Variants in FOXN3 observed in about 807,000 individuals in gnomAD.
FOXN3 encodes the protein forkhead box N3.
In FOXN3, 7 loss-of-function variants were observed where a neutral mutation model predicts 38.4. The observed-to-expected ratio is 0.18, with a 90% CI of 0.10 to 0.34. The LOEUF is 0.34. FOXN3 is among the 10% of genes least tolerant of loss of function. FOXN3 has a pLI of 1.00. For missense variants in FOXN3, 456 were observed against 613.4 expected (o/e 0.74, Z 2.71); for synonymous variants, 230 against 242.2 (o/e 0.95, Z 0.47).
rs1397857803 is a variant in FOXN3 at position 89,160,851 on chromosome 14, C to G, written c.*1563G>C. On this transcript the variant is annotated 3_prime_UTR_variant, in exon 6 of 6. Transcript: ENST00000557258. The stretch of plus-strand genomic sequence containing the variant: ...CCTGAAGAAGGTTAAACCTTAAACA[C>G]CTGCTTCAAAAAACCAAAACAAAAT... 6.6e-6 allele frequency: 1 copy of G among 151,506 alleles called. No individual in the cohort carries two copies. Among genetic ancestry groups the G allele is most frequent in the Non-Finnish European group, 1.5e-5 (1 of 67,908 alleles). 9.4% of individuals were successfully genotyped at this position (151,506 alleles called of 1,614,324 possible). A position where few individuals can be genotyped will look rare whatever the true frequency, so the allele number is the denominator to read the frequency against.
intron 1 of FOXN3, among the ~76,000 whole-genome samples, chr14:89,493,664 G>A (rs748833852): frequency 2.0e-5 from 3 of 151,942 alleles, no homozygotes; most frequent in South Asian, 2.1e-4. Flanking sequence ...CCCCTTAACC[G>A]CACACCTAAT....
At chr14:89,366,124 A>C (rs2140050434) in intron 2 of FOXN3, among the ~76,000 whole-genome samples, 1 of 152,218 alleles carries the variant, frequency 6.6e-6, no homozygotes, top group Non-Finnish European at 1.5e-5. Flanking sequence ...GTGGTGGCGG[A>C]TGCCTGTAGT....
chr14:89,424,286 G>T (rs766757858), intron 1 of FOXN3, among the ~76,000 whole-genome samples: 10 of 152,140 alleles, frequency 6.6e-5, no homozygotes, highest in Admixed American at 3.3e-4. Context: ...AATTTGCAAA[G>T]ATTTCATAAA....
chr14:89,563,412 G>A lies in FOXN3; in HGVS notation c.-15+55616C>T, dbSNP rs556400718. Among the ~76,000 whole-genome samples, 4 of 152,344 alleles carry A rather than the reference G, an allele frequency of 2.6e-5. No homozygotes were observed. In the South Asian group the frequency reaches 8.3e-4, roughly 32 times the overall value. ...CCCACAGCCATACAGAATGGCAATG[G>A]CAGATCCATGATGGAAGACAGGTCT... is the stretch of plus-strand genomic sequence containing the variant. On this transcript the variant is annotated intron_variant, in intron 1 of 6. Coordinates refer to the FOXN3 transcript ENST00000345097.
At chr14:89,530,019 C>T (rs1013156411) in intron 1 of FOXN3, among the ~76,000 whole-genome samples, 3 of 151,698 alleles carry the variant, frequency 2.0e-5, no homozygotes, top group African/African-American at 4.8e-5. Flanking sequence ...TGGCTCACTG[C>T]AACCTCTGGC....
At chr14:89,347,698 A>T (rs1888803572) in intron 3 of FOXN3, among the ~76,000 whole-genome samples, 1 of 152,198 alleles carries the variant, frequency 6.6e-6, no homozygotes, top group African/African-American at 2.4e-5. Flanking sequence ...TCACGCCTGT[A>T]ATCCCAGCAC....
chr14:89,455,948 C>T (rs1015003822), intron 1 of FOXN3, among the ~76,000 whole-genome samples: 1 of 152,154 alleles, frequency 6.6e-6, no homozygotes, highest in African/African-American at 2.4e-5. Context: ...GTAATCCCAG[C>T]ACTTTGGGAG....
At chr14:89,466,076 A>AT (rs1360664610) in intron 1 of FOXN3, among the ~76,000 whole-genome samples, 9 of 152,184 alleles carry the variant, frequency 5.9e-5, no homozygotes, top group African/African-American at 2.2e-4. Flanking sequence ...GTGGGTAGGG[A>AT]GGAGTCAGCC....
rs148153525 is a variant in FOXN3, at chr14:89,514,575, G to A, written c.-14-102085C>T. ...CAGACTTTACTGACGTAGAAACTGAGGTCCAAAGAAGTTGGTCAAGGTCAT... is the reference window on the plus strand; with the variant it reads ...CAGACTTTACTGACGTAGAAACTGAAGTCCAAAGAAGTTGGTCAAGGTCAT... On this transcript the variant is annotated intron_variant, in intron 1 of 6. Coordinates refer to the FOXN3 transcript ENST00000345097. Among the ~76,000 whole-genome samples, 534 of 152,286 alleles carry A rather than the reference G, an allele frequency of 3.5e-3. 3 individuals carry two copies. Among genetic ancestry groups the A allele is most frequent in the African/African-American group, 0.012 (514 of 41,548 alleles).
At chr14:89,172,700 C>A (rs1206725647) in intron 5 of FOXN3, among the ~76,000 whole-genome samples, 1 of 152,078 alleles carries the variant, frequency 6.6e-6, no homozygotes, top group African/African-American at 2.4e-5. Context: ...AATAAACCCA[C>A]AAATAGAAAG....
At chr14:89,191,326 G>C (rs748507739) in intron 4 of FOXN3, among the ~76,000 whole-genome samples, 1 of 152,198 alleles carries the variant, frequency 6.6e-6, no homozygotes, top group Non-Finnish European at 1.5e-5. Flanking sequence ...CTGCCCCAGC[G>C]CAGCGTCCCA....
intron 4 of FOXN3, among the ~76,000 whole-genome samples, chr14:89,256,622 C>CT (rs1382428454): frequency 2.6e-5 from 4 of 152,214 alleles, no homozygotes; most frequent in African/African-American, 9.7e-5. Flanking sequence ...AAGGTGTATT[C>CT]TCAAGCTCTG....
At chr14:89,276,074 C>T (rs11624456) in intron 4 of FOXN3, among the ~76,000 whole-genome samples, 36,961 of 152,134 alleles carry the variant, frequency 0.24, 4,704 homozygotes, top group East Asian at 0.3. Flanking sequence ...ATCAAAAGTT[C>T]GAGACCAGCC....
intron 5 of FOXN3, among the ~76,000 whole-genome samples, chr14:89,167,077 C>G (rs1379320601): frequency 6.6e-6 from 1 of 152,196 alleles, no homozygotes; most frequent in Non-Finnish European, 1.5e-5. Context: ...TAAATCAGAG[C>G]CACCTGATTT....
intron 1 of FOXN3, among the ~76,000 whole-genome samples, chr14:89,573,162 G>T (rs1405541604): frequency 1.3e-5 from 2 of 152,190 alleles, no homozygotes; most frequent in Non-Finnish European, 2.9e-5. Context: ...GAAATGAGAA[G>T]CGATAAGTGA....
chr14:89,258,840 G>A (rs113363661), intron 4 of FOXN3, among the ~76,000 whole-genome samples: 41 of 152,118 alleles, frequency 2.7e-4, no homozygotes, highest in Non-Finnish European at 4.1e-4. Context: ...CTCTTTTGGG[G>A]TCCTATCAGG....
At chr14:89,314,289 C>A (rs1887659384) in intron 3 of FOXN3, among the ~76,000 whole-genome samples, 1 of 152,068 alleles carries the variant, frequency 6.6e-6, no homozygotes, top group Admixed American at 6.6e-5. Flanking sequence ...TATTTTAATT[C>A]TGGGAAAATA....
At chr14:89,456,834 T>A (rs1892737505) in intron 1 of FOXN3, among the ~76,000 whole-genome samples, 1 of 151,900 alleles carries the variant, frequency 6.6e-6, no homozygotes, top group Non-Finnish European at 1.5e-5. Context: ...CAGAGATGGG[T>A]TAATTATAGG....
At position 89,175,966 on chromosome 14, in the gene FOXN3, A is replaced by G. The variant is rs150437802; in HGVS notation, c.851+4735T>C. On this transcript the variant is annotated intron_variant, in intron 5 of 5. Coordinates refer to ENST00000557258, the MANE Select transcript of FOXN3 (RefSeq NM_005197.4). Reference sequence around the variant, plus strand: ...GGCCAGCAACAGCTCTCCCAGGGCTATCCATCATGGGTTCCATTCAATGCA... The same window carrying G: ...GGCCAGCAACAGCTCTCCCAGGGCTGTCCATCATGGGTTCCATTCAATGCA... 2.6e-3 allele frequency among the ~76,000 whole-genome samples: 393 copies of G among 152,278 alleles called. 2 individuals carry two copies. Among genetic ancestry groups the G allele is most frequent in the African/African-American group, 9.2e-3 (381 of 41,584 alleles).
Sources: allele counts gnomAD v4.1 joint callset (sites outside exome capture counted in the v4.1 genomes callset), GRCh38; gene constraint gnomAD v4.1.1; transcripts MANE v1.5; gene names NCBI Gene and HGNC (gene_info 2026-07-23, HGNC 2026-07-21).